The following SULF1 variants were observed in gnomAD, a reference collection of about 807,000 sequenced individuals.
SULF1 encodes the protein extracellular sulfatase Sulf-1.
SULF1 carries 46 observed loss-of-function variants against 110.5 expected under a neutral mutation model. The observed-to-expected ratio is 0.42, with a 90% CI of 0.33 to 0.53. SULF1 has a LOEUF of 0.53. Among genes scored for constraint, SULF1 ranks in the 20% least tolerant of loss-of-function variants. The pLI, the probability that SULF1 is intolerant of heterozygous loss-of-function variation, is 0.12. For synonymous variants in SULF1, 371 were observed against 387.1 expected (o/e 0.96, Z 0.49); for missense variants, 941 against 1,094.2 (o/e 0.86, Z 1.98).
chr8:69,579,071 G>T (rs1360454381), intron 6 of SULF1, among the ~76,000 whole-genome samples: 1 of 148,904 alleles, frequency 6.7e-6, no homozygotes, highest in African/African-American at 2.5e-5. Context: ...TGAGGCAGGA[G>T]AATGGCGTGT....
At chr8:69,607,434 G>C (rs1808310502) in intron 13 of SULF1, among the ~76,000 whole-genome samples, 1 of 152,146 alleles carries the variant, frequency 6.6e-6, no homozygotes, top group Non-Finnish European at 1.5e-5. Context: ...GCGTGATCAT[G>C]GCCCACTGCA....
At chr8:69,528,453 C>G (rs1049586057) in intron 3 of SULF1, among the ~76,000 whole-genome samples, 4 of 152,176 alleles carry the variant, frequency 2.6e-5, no homozygotes, top group African/African-American at 9.7e-5. Flanking sequence ...TCCAAATTCT[C>G]AAAAGATTAG....
intron 3 of SULF1, among the ~76,000 whole-genome samples, chr8:69,541,473 G>T (rs570791603): frequency 6.6e-6 from 1 of 152,190 alleles, no homozygotes; most frequent in Non-Finnish European, 1.5e-5. Context: ...ATCCCCTTGG[G>T]TTTACCCTAG....
At chr8:69,603,744 T>C in intron 12 of SULF1, 88 bp downstream of exon 12, 1 of 904,446 alleles carries the variant, frequency 1.1e-6, no homozygotes, top group Non-Finnish European at 1.8e-6. Flanking sequence ...TTATTTTTGT[T>C]TACTAAGCAT....
intron 5 of SULF1, among the ~76,000 whole-genome samples, chr8:69,568,331 A>G (rs1014931198): frequency 1.3e-5 from 2 of 152,232 alleles, no homozygotes; most frequent in Non-Finnish European, 2.9e-5. Flanking sequence ...GAGAAGGGCT[A>G]TAATCAAAGT....
chr8:69,627,981 C>A, intron 17 of SULF1, 115 bp downstream of exon 17: 2 of 909,460 alleles, frequency 2.2e-6, no homozygotes, highest in Non-Finnish European at 3.5e-6. Context: ...TCATAGAGTA[C>A]GATAACCTAA....
intron 1 of SULF1, among the ~76,000 whole-genome samples, chr8:69,467,591 T>A (rs1046015075): frequency 6.6e-6 from 1 of 152,224 alleles, no homozygotes; most frequent in African/African-American, 2.4e-5. Context: ...AAATGCTCTT[T>A]AACATAGCCC....
chr8:69,649,496 T>C (rs547299514), intron 22 of SULF1, among the ~76,000 whole-genome samples: 1 of 152,368 alleles, frequency 6.6e-6, no homozygotes, highest in East Asian at 1.9e-4. Flanking sequence ...TAATGCCATA[T>C]TCATCATTTT....
intron 22 of SULF1, among the ~76,000 whole-genome samples, chr8:69,649,838 TTTC>T (rs1193405318): frequency 3.9e-5 from 6 of 152,110 alleles, no homozygotes; most frequent in African/African-American, 1.4e-4. Context: ...CTATAATTTT[TTTC>T]TTTTTTAATT....
At chr8:69,544,950 T>C (rs1814142378) in intron 3 of SULF1, among the ~76,000 whole-genome samples, 1 of 152,180 alleles carries the variant, frequency 6.6e-6, no homozygotes, top group African/African-American at 2.4e-5. Context: ...AAAACTCAGG[T>C]AGAGTCCAGG....
At chr8:69,477,829 T>C (rs923037420) in intron 1 of SULF1, among the ~76,000 whole-genome samples, 3 of 152,194 alleles carry the variant, frequency 2.0e-5, no homozygotes, top group African/African-American at 7.2e-5. Flanking sequence ...CTGCTCTTCC[T>C]TTAAGACAAG....
intron 8 of SULF1, among the ~76,000 whole-genome samples, chr8:69,598,330 G>A (rs1807508350): frequency 6.6e-6 from 1 of 152,268 alleles, no homozygotes; most frequent in Middle Eastern, 3.4e-3. Context: ...GGCATTTTAA[G>A]TGCTCTGTAT....
chr8:69,515,151 C>T (rs774116597), intron 3 of SULF1, among the ~76,000 whole-genome samples: 32 of 152,176 alleles, frequency 2.1e-4, no homozygotes, highest in Non-Finnish European at 3.8e-4. Flanking sequence ...CCCCTCCATA[C>T]TTCCGTAGTA....
At chr8:69,595,641 G>A (rs892646609) in intron 8 of SULF1, among the ~76,000 whole-genome samples, 8 of 152,166 alleles carry the variant, frequency 5.3e-5, no homozygotes, top group African/African-American at 1.7e-4. Context: ...GGGAATTGAA[G>A]TCTTATTTCA....
At chr8:69,635,119 A>C (rs796863071) in intron 19 of SULF1, among the ~76,000 whole-genome samples, 4 of 152,356 alleles carry the variant, frequency 2.6e-5, no homozygotes, top group African/African-American at 9.6e-5. Context: ...TAAATTAGCT[A>C]ATCAACTAAA....
At chr8:69,569,456 G>A (rs1805059512) in intron 5 of SULF1, among the ~76,000 whole-genome samples, 1 of 152,170 alleles carries the variant, frequency 6.6e-6, no homozygotes, top group Non-Finnish European at 1.5e-5. Flanking sequence ...TTGGATGTTT[G>A]AAGGGGAGCT....
intron 13 of SULF1, among the ~76,000 whole-genome samples, chr8:69,618,776 T>A (rs1302967362): frequency 6.6e-6 from 1 of 152,206 alleles, no homozygotes; most frequent in Non-Finnish European, 1.5e-5. Flanking sequence ...ATTTGGGGAT[T>A]ATATAGTAGA....
intron 19 of SULF1, among the ~76,000 whole-genome samples, chr8:69,632,526 A>G (rs1158268957): frequency 6.6e-6 from 1 of 152,106 alleles, no homozygotes; most frequent in Non-Finnish European, 1.5e-5. Context: ...TGCTATGTCA[A>G]CTTAAGCCCT....
intron 3 of SULF1, among the ~76,000 whole-genome samples, chr8:69,526,666 C>A (rs1812691589): frequency 6.6e-6 from 1 of 151,498 alleles, no homozygotes; most frequent in South Asian, 2.1e-4. Context: ...TGGCATGTGC[C>A]TGTAGTCCCA....
Sources: allele counts gnomAD v4.1 joint callset (sites outside exome capture counted in the v4.1 genomes callset), GRCh38; gene constraint gnomAD v4.1.1; transcripts MANE v1.5; gene names NCBI Gene and HGNC (gene_info 2026-07-23, HGNC 2026-07-21).